Variants in MYT1L observed in about 807,000 individuals in gnomAD.
The protein encoded by MYT1L is myelin transcription factor 1-like protein.
A neutral mutation model predicts 126.7 loss-of-function variants in MYT1L; 12 were observed. The ratio of observed to expected loss-of-function variants is 0.09; its 90% CI spans 0.06 to 0.15. MYT1L has a LOEUF of 0.15. Among genes scored for constraint, MYT1L ranks in the 10% least tolerant of loss-of-function variants. The pLI is 1.00. For missense variants in MYT1L, 979 were observed against 1,585.2 expected (o/e 0.62, Z 6.49); for synonymous variants, 541 against 604.2 (o/e 0.90, Z 1.53).
chr2:1,836,506 T>C (rs766235732), intron 21 of MYT1L, among the ~76,000 whole-genome samples: 38 of 150,470 alleles, frequency 2.5e-4, no homozygotes, highest in Non-Finnish European at 4.7e-4. Flanking sequence ...TCCATCAGCC[T>C]GCACCCAATA....
intron 1 of MYT1L, among the ~76,000 whole-genome samples, chr2:2,289,932 C>G (rs938155115): frequency 7.9e-5 from 12 of 152,204 alleles, no homozygotes; most frequent in African/African-American, 2.9e-4. Flanking sequence ...AGGCAGATCC[C>G]AGGAGATGGA....
chr2:2,114,892 C>A (rs1309620846), intron 3 of MYT1L, among the ~76,000 whole-genome samples: 1 of 152,228 alleles, frequency 6.6e-6, no homozygotes, highest in Non-Finnish European at 1.5e-5. Context: ...GTCCTGCCTG[C>A]CTGGAAGCCC....
At position 2,284,510 on chromosome 2, in the gene MYT1L, G is replaced by GT. The variant is rs1243300883; in HGVS notation, c.-520-8dup. 2 of 152,236 alleles carry GT rather than the reference G, an allele frequency of 1.3e-5. No homozygotes were observed. The highest frequency in any genetic ancestry group is 4.8e-5 in the African/African-American group (2 of 41,428). 9.4% of individuals were successfully genotyped at this position (152,236 alleles called of 1,614,324 possible). A position where few individuals can be genotyped will look rare whatever the true frequency, so the allele number is the denominator to read the frequency against. Reference sequence around the variant, plus strand: ...AGCCTCCTCATGACCCGCCCTGCATGTAAGAGAAGAGGAAGAAATGGTTAA... The same window carrying GT: ...AGCCTCCTCATGACCCGCCCTGCATGTTAAGAGAAGAGGAAGAAATGGTTAA... On this transcript the variant is annotated splice_polypyrimidine_tract_variant and splice_region_variant and intron_variant, in intron 1 of 24. Coordinates refer to ENST00000647738, the MANE Select transcript of MYT1L (RefSeq NM_001303052.2).
At chr2:1,796,113 A>T (rs73913409) in intron 23 of MYT1L, among the ~76,000 whole-genome samples, 7,895 of 152,308 alleles carry the variant, frequency 0.052, 258 homozygotes, top group African/African-American at 0.076. Context: ...GCACCACGTG[A>T]CGCTGTGTTG....
At chr2:1,967,490 G>T (rs1487446119) in intron 8 of MYT1L, among the ~76,000 whole-genome samples, 1 of 152,196 alleles carries the variant, frequency 6.6e-6, no homozygotes, top group Non-Finnish European at 1.5e-5. Flanking sequence ...CTCCTTTGCT[G>T]CGCCTTCACA....
At chr2:2,274,177 T>C (rs1350376334) in intron 2 of MYT1L, among the ~76,000 whole-genome samples, 2 of 152,156 alleles carry the variant, frequency 1.3e-5, no homozygotes, top group African/African-American at 4.8e-5. Flanking sequence ...GATAAATATT[T>C]GAGGTGATGG....
At chr2:1,956,135 C>T (rs937130762) in intron 8 of MYT1L, among the ~76,000 whole-genome samples, 3 of 152,036 alleles carry the variant, frequency 2.0e-5, no homozygotes, top group Non-Finnish European at 4.4e-5. Flanking sequence ...TTCTACCTAC[C>T]TATGTCTATC....
intron 3 of MYT1L, among the ~76,000 whole-genome samples, chr2:2,122,837 A>ATG (rs200951880): frequency 0.087 from 11,771 of 135,456 alleles, 524 homozygotes; most frequent in East Asian, 0.17. Context: ...GAGGATAGGA[A>ATG]TGTGTGTGTG....
chr2:1,904,918 C>T (rs555077281), intron 13 of MYT1L, among the ~76,000 whole-genome samples: 23 of 151,972 alleles, frequency 1.5e-4, no homozygotes, highest in African/African-American at 5.1e-4. Context: ...CTCAGCCTCT[C>T]GAGTAGCTGG....
intron 19 of MYT1L, among the ~76,000 whole-genome samples, chr2:1,850,139 C>T (rs1173281911): frequency 1.4e-5 from 2 of 146,150 alleles, no homozygotes; most frequent in East Asian, 2.1e-4. Flanking sequence ...GCCCCTCCCT[C>T]CTTCCCTTTC....
At chr2:2,135,475 A>G (rs2082930081) in intron 3 of MYT1L, among the ~76,000 whole-genome samples, 1 of 152,226 alleles carries the variant, frequency 6.6e-6, no homozygotes. Flanking sequence ...CAGCATGAGA[A>G]CAGGCTAATA....
chr2:1,955,617 A>C (rs535876317), intron 8 of MYT1L, among the ~76,000 whole-genome samples: 75 of 152,202 alleles, frequency 4.9e-4, no homozygotes, highest in Non-Finnish European at 9.3e-4. Flanking sequence ...GGCTACAAAT[A>C]ATAAACCTTA....
chr2:2,300,352 A>G (rs1435703604), intron 1 of MYT1L, among the ~76,000 whole-genome samples: 2 of 152,208 alleles, frequency 1.3e-5, no homozygotes, highest in Non-Finnish European at 2.9e-5. Flanking sequence ...TTCATAGAAA[A>G]CAGTGGAAGC....
In MYT1L at chr2:1,796,632, C is replaced by G. The variant is rs545298382; in HGVS notation, c.3277-4168G>C. 3.0e-4 allele frequency among the ~76,000 whole-genome samples: 45 copies of G among 152,266 alleles called. 1 individual carries two copies. The South Asian group carries it at 9.1e-3, about 31-fold the overall frequency. The stretch of plus-strand genomic sequence containing the variant: ...CCTTTTATACTCAAATACCCCCATC[C>G]CCACCTCCCTGACAAATGCCTGCTG... On this transcript the variant is annotated intron_variant, in intron 23 of 24. Transcript: ENST00000647738.
chr2:1,928,585 A>G (rs1206845135), intron 9 of MYT1L, among the ~76,000 whole-genome samples: 1 of 152,190 alleles, frequency 6.6e-6, no homozygotes, highest in African/African-American at 2.4e-5. Context: ...GACATGCAGC[A>G]CTTTAATAGT....
At chr2:2,140,729 G>A (rs750358231) in intron 3 of MYT1L, among the ~76,000 whole-genome samples, 13 of 151,884 alleles carry the variant, frequency 8.6e-5, no homozygotes, top group Admixed American at 5.9e-4. Context: ...CACCACGCCC[G>A]GCCTAATTTT....
intron 2 of MYT1L, among the ~76,000 whole-genome samples, chr2:2,273,165 C>A (rs953430746): frequency 9.2e-5 from 14 of 152,226 alleles, no homozygotes; most frequent in African/African-American, 3.4e-4. Flanking sequence ...TGACGCTCCT[C>A]CTCATTCCTC....
chr2:2,232,294 C>T (rs1437652995), intron 2 of MYT1L, among the ~76,000 whole-genome samples: 14 of 152,208 alleles, frequency 9.2e-5, no homozygotes, highest in Admixed American at 8.5e-4. Context: ...GCCCTCCAGC[C>T]GGGAGGCTTG....
At chr2:2,026,435 A>C (rs1350488085) in intron 4 of MYT1L, among the ~76,000 whole-genome samples, 2 of 152,150 alleles carry the variant, frequency 1.3e-5, no homozygotes, top group Non-Finnish European at 2.9e-5. Context: ...GGATTCTAGC[A>C]GGGGTGGCCC....
Sources: gnomAD v4.1 joint callset for allele counts (sites outside exome capture counted in the v4.1 genomes callset) on GRCh38, gnomAD v4.1.1 for gene constraint, MANE v1.5 for transcripts, NCBI Gene and HGNC (gene_info 2026-07-23, HGNC 2026-07-21) for gene names.